ANKS1B: variants seen among roughly 807,000 people sequenced by gnomAD.
ANKS1B encodes the protein ankyrin repeat and sterile alpha motif domain-containing protein 1B.
Under a neutral mutation model 148.3 loss-of-function variants are expected in ANKS1B, and 36 were observed. The observed-to-expected ratio is 0.24, with a 90% CI of 0.19 to 0.32. ANKS1B has a LOEUF of 0.32. ANKS1B is among the 10% of genes least tolerant of loss of function. ANKS1B has a pLI of 1.00. For synonymous variants in ANKS1B, 542 were observed against 560.8 expected, an observed-to-expected ratio of 0.97 and a Z score of 0.47; for missense variants, 1,157 against 1,542.6, an observed-to-expected ratio of 0.75 and a Z score of 4.19.
chr12:99,121,735 T>C (rs1250460749), intron 15 of ANKS1B, among the ~76,000 whole-genome samples: 1 of 151,958 alleles, frequency 6.6e-6, no homozygotes, highest in Admixed American at 6.5e-5. Flanking sequence ...CATCAAGAGG[T>C]GAATGAAAAG....
chr12:99,958,462 A>G (rs1007657195), intron 1 of ANKS1B, among the ~76,000 whole-genome samples: 1 of 152,126 alleles, frequency 6.6e-6, no homozygotes, highest in Non-Finnish European at 1.5e-5. Context: ...AGCTCACTAC[A>G]GCCTCAACCT....
intron 9 of ANKS1B, among the ~76,000 whole-genome samples, chr12:99,606,566 A>G (rs2097853000): frequency 6.6e-6 from 1 of 151,250 alleles, no homozygotes. Context: ...ATATCTTATA[A>G]AAAGAAGACG....
rs575340862 is a variant in ANKS1B at position 99,604,766 on chromosome 12, G to GATCA, written c.1272+50297_1272+50300dup. Among the ~76,000 whole-genome samples, 358 of 139,926 alleles carry GATCA rather than the reference G, an allele frequency of 2.6e-3. 9 individuals carry two copies. The South Asian group carries it at 0.048, about 19-fold the overall frequency. The allele number at this position is 139,926 out of a possible 152,430, so 91.8% of individuals were successfully genotyped here. A position where few individuals can be genotyped will look rare whatever the true frequency, so the allele number is the denominator to read the frequency against. On this transcript the variant is annotated intron_variant, in intron 9 of 26. Coordinates refer to ENST00000683438, the MANE Select transcript of ANKS1B (RefSeq NM_001352186.2). ...GGAGGTGGAGGTTGCAGTGAGCTGA[G>GATCA]ATCACACCATTGCACTCCAGCCTGG... is the stretch of plus-strand genomic sequence containing the variant.
At chr12:99,394,381 G>A (rs764362702) in intron 12 of ANKS1B, among the ~76,000 whole-genome samples, 3 of 151,904 alleles carry the variant, frequency 2.0e-5, no homozygotes, top group Non-Finnish European at 2.9e-5. Flanking sequence ...CTCCTCCATC[G>A]TAACTTAAAA....
At chr12:99,587,517 CTCTA>C in intron 9 of ANKS1B, among the ~76,000 whole-genome samples, 1 of 152,248 alleles carries the variant, frequency 6.6e-6, no homozygotes, top group Non-Finnish European at 1.5e-5. Flanking sequence ...GTTTTAATTG[CTCTA>C]TCTTAGCGAA....
Position 98,853,790 on chromosome 12 carries a change from G to A in ANKS1B, c.2779-21654C>T, listed in dbSNP as rs182566748. Among the ~76,000 whole-genome samples, 23 of 152,326 alleles carry A rather than the reference G, an allele frequency of 1.5e-4. No individual in the cohort carries two copies. The East Asian group carries it at 4.4e-3, about 29-fold the overall frequency. On this transcript the variant is annotated intron_variant, in intron 17 of 26. Coordinates refer to ENST00000683438, the MANE Select transcript of ANKS1B (RefSeq NM_001352186.2). Reference sequence around the variant, plus strand: ...CTGTAGGCTTGAGGGCACAAAGCATGTCAACTCTATTCAGCCCAGCATCTA... The same window carrying A: ...CTGTAGGCTTGAGGGCACAAAGCATATCAACTCTATTCAGCCCAGCATCTA...
chr12:99,722,348 T>C (rs751934494), intron 8 of ANKS1B, among the ~76,000 whole-genome samples: 26 of 152,224 alleles, frequency 1.7e-4, no homozygotes, highest in Non-Finnish European at 2.6e-4. Context: ...TTTTGTTAGG[T>C]TGTAATGCAG....
intron 9 of ANKS1B, among the ~76,000 whole-genome samples, chr12:99,542,343 T>C (rs775762485): frequency 3.3e-5 from 5 of 152,006 alleles, no homozygotes; most frequent in African/African-American, 1.2e-4. Context: ...AGACATGAAC[T>C]TCACAAAAAA....
intron 17 of ANKS1B, among the ~76,000 whole-genome samples, chr12:98,982,833 C>T (rs375380886): frequency 4.6e-5 from 7 of 152,112 alleles, no homozygotes; most frequent in Non-Finnish European, 8.8e-5. Context: ...TTTATACTGC[C>T]ATGAAAATTC....
intron 15 of ANKS1B, among the ~76,000 whole-genome samples, chr12:99,129,084 T>C (rs1190513774): frequency 6.6e-6 from 1 of 152,084 alleles, no homozygotes; most frequent in Middle Eastern, 3.2e-3. Flanking sequence ...CAGTAGCAGA[T>C]AGAGGAGGTC....
intron 22 of ANKS1B, 54 bp downstream of exon 22, chr12:98,798,880 T>C (rs1385933287): frequency 6.9e-7 from 1 of 1,451,584 alleles, no homozygotes; most frequent in East Asian, 2.3e-5. Context: ...TTTGTATCCA[T>C]ACCCAGTATT....
At chr12:99,658,699 G>A (rs920479522) in intron 8 of ANKS1B, among the ~76,000 whole-genome samples, 4 of 152,054 alleles carry the variant, frequency 2.6e-5, no homozygotes, top group Admixed American at 1.3e-4. Flanking sequence ...TGAAAAAATA[G>A]TGTAATCATT....
chr12:98,990,454 A>C (rs1341835715), intron 17 of ANKS1B, among the ~76,000 whole-genome samples: 1 of 151,736 alleles, frequency 6.6e-6, no homozygotes, highest in East Asian at 1.9e-4. Context: ...TTTCTAAGAG[A>C]GAAACAGAAA....
chr12:99,951,276 C>A (rs549786664), intron 1 of ANKS1B, among the ~76,000 whole-genome samples: 134 of 152,304 alleles, frequency 8.8e-4, no homozygotes, highest in Admixed American at 1.4e-3. Context: ...ACTTGGGCAG[C>A]CTTTTCAGTC....
At chr12:99,014,933 T>C (rs2099941516) in intron 17 of ANKS1B, among the ~76,000 whole-genome samples, 1 of 152,218 alleles carries the variant, frequency 6.6e-6, no homozygotes, top group Non-Finnish European at 1.5e-5. Flanking sequence ...TATAAACTAG[T>C]TCAGCCATTG....
intron 11 of ANKS1B, among the ~76,000 whole-genome samples, chr12:99,422,463 A>G (rs2095118273): frequency 6.6e-6 from 1 of 152,158 alleles, no homozygotes; most frequent in South Asian, 2.1e-4. Context: ...TTGGAGTGTA[A>G]AGAGAAGCTT....
intron 1 of ANKS1B, among the ~76,000 whole-genome samples, chr12:99,878,099 C>A (rs1293623508): frequency 1.3e-5 from 2 of 152,028 alleles, no homozygotes; most frequent in Admixed American, 1.3e-4. Context: ...CTCCCACCCC[C>A]AATGTAACAA....
At chr12:99,716,849 C>G (rs1486327754) in intron 8 of ANKS1B, among the ~76,000 whole-genome samples, 1 of 152,086 alleles carries the variant, frequency 6.6e-6, no homozygotes, top group African/African-American at 2.4e-5. Context: ...CCCTCCTCGC[C>G]AGGCCGAGCT....
intron 22 of ANKS1B, among the ~76,000 whole-genome samples, chr12:98,795,137 T>C (rs981371060): frequency 8.5e-5 from 13 of 152,266 alleles, no homozygotes; most frequent in African/African-American, 2.9e-4. Context: ...ATTTGTATAA[T>C]AACTAATGGC....
Sources: gnomAD v4.1 joint callset for allele counts (sites outside exome capture counted in the v4.1 genomes callset) on GRCh38, gnomAD v4.1.1 for gene constraint, MANE v1.5 for transcripts, NCBI Gene and HGNC (gene_info 2026-07-23, HGNC 2026-07-21) for gene names.